The following HTR2B variants were observed in gnomAD, a reference collection of about 807,000 sequenced individuals.
The protein encoded by HTR2B is 5-HT 2B receptor.
Under a neutral mutation model 39.8 loss-of-function variants are expected in HTR2B, and 31 were observed. That is an observed-to-expected ratio of 0.78 (90% CI 0.58 to 1.05). HTR2B has a LOEUF of 1.05. HTR2B is among the 50% of genes least tolerant of loss of function. The pLI is 0.00. For synonymous variants in HTR2B, 210 were observed against 207.1 expected (o/e 1.01, Z -0.12); for missense variants, 562 against 578.0 (o/e 0.97, Z 0.28).
chr2:231,120,591 G>A (rs1019188388), intron 2 of HTR2B, among the ~76,000 whole-genome samples: 18 of 152,112 alleles, frequency 1.2e-4, no homozygotes, highest in African/African-American at 4.1e-4. Flanking sequence ...AATTCAAACC[G>A]TATATTGTTA....
chr2:231,115,036 G>A (rs1393277510), intron 2 of HTR2B, among the ~76,000 whole-genome samples: 2 of 152,030 alleles, frequency 1.3e-5, no homozygotes, highest in African/African-American at 2.4e-5. Context: ...GCTATTGCAG[G>A]TATATCTGAC....
At chr2:231,115,384 A>G (rs971363810) in intron 2 of HTR2B, among the ~76,000 whole-genome samples, 5 of 152,166 alleles carry the variant, frequency 3.3e-5, no homozygotes, top group Non-Finnish European at 5.9e-5. Flanking sequence ...CAGAGTTGGT[A>G]TGTGGCATTC....
At chr2:231,119,869 C>CAAA (rs78246469) in intron 2 of HTR2B, among the ~76,000 whole-genome samples, 22 of 79,944 alleles carry the variant, frequency 2.8e-4, no homozygotes, top group Non-Finnish European at 3.9e-4. Flanking sequence ...GACTCCGTCT[C>CAAA]AAAAAAAAAA....
rs770406210 is a variant in HTR2B, at chr2:231,123,436, A to C, written c.329T>G (p.Ile110Ser). The C allele has an allele frequency of 1.7e-5, 28 of 1,613,774 alleles. No homozygotes were observed. The highest frequency in any genetic ancestry group is 2.1e-5 in the Non-Finnish European group (25 of 1,179,784). ...ACCAAACATTATTGTCAAGAGGGCAATTGGCATCACAAACAATCCAACCAG... is the reference window on the plus strand; with the variant it reads ...ACCAAACATTATTGTCAAGAGGGCACTTGGCATCACAAACAATCCAACCAG... ...DLLVGLFVMP[I>S]ALLTIMFEAM... Residue 110 changes from isoleucine to serine, a missense_variant, in exon 2 of 4, where the codon ATT (isoleucine) becomes AGT (serine). Coordinates refer to ENST00000258400, the MANE Select transcript of HTR2B (RefSeq NM_000867.5).
chr2:231,115,770 A>G (rs1325440514), intron 2 of HTR2B, among the ~76,000 whole-genome samples: 1 of 152,172 alleles, frequency 6.6e-6, no homozygotes, highest in Non-Finnish European at 1.5e-5. Context: ...AGTGTTATTT[A>G]GAACTGCCAC....
At chr2:231,113,678 G>T in intron 3 of HTR2B, 51 bp downstream of exon 3, 1 of 1,536,194 alleles carries the variant, frequency 6.5e-7, no homozygotes, top group Non-Finnish European at 9.0e-7. Context: ...TCCTAGCCAA[G>T]TGGAACCAAA....
At chr2:231,114,836 T>C (rs1488582199) in intron 2 of HTR2B, among the ~76,000 whole-genome samples, 23 of 152,190 alleles carry the variant, frequency 1.5e-4, no homozygotes, top group Non-Finnish European at 2.4e-4. Context: ...CATTATATAT[T>C]ACACCCACCA....
chr2:231,123,949 G>A lies in HTR2B; in HGVS notation c.-185C>T. 1.6e-6 allele frequency: 1 copy of A among 611,446 alleles called. No homozygotes were observed. The highest frequency in any genetic ancestry group is 1.9e-5 in the South Asian group (1 of 53,660). 37.9% of individuals were successfully genotyped at this position (611,446 alleles called of 1,614,324 possible). A position where few individuals can be genotyped will look rare whatever the true frequency, so the allele number is the denominator to read the frequency against. On this transcript the variant is annotated 5_prime_UTR_variant, in exon 2 of 4. Transcript: ENST00000258400. ...TGAGCGCATACACACATCTGTCCATGTTTGTAGGTAAGATATCCAAGTATT... is the reference window on the plus strand; with the variant it reads ...TGAGCGCATACACACATCTGTCCATATTTGTAGGTAAGATATCCAAGTATT...
At position 231,108,821 on chromosome 2, in the gene HTR2B, G is replaced by T. The variant is rs747959691; in HGVS notation, c.1142C>A (p.Thr381Asn). The part of the protein sequence containing the change: ...VSSGVNPLVY[T>N]LFNKTFRDAF... ...ATCCCGAAATGTCTTATTGAAGAGG[G>T]TGTAGACCAAAGGATTCACTCCTGA... The change falls in exon 4 of 4, where the codon ACC becomes AAC. Residue 381 changes from threonine to asparagine, a missense_variant. Thr to Asn is a moderately conservative substitution (Grantham distance 65). Coordinates refer to ENST00000258400, the MANE Select transcript of HTR2B (RefSeq NM_000867.5). 1.2e-6 allele frequency: 2 copies of T among 1,614,042 alleles called. No homozygotes were observed. The highest frequency in any genetic ancestry group is 1.7e-5 in the Admixed American group (1 of 60,006).
chr2:231,116,238 T>C (rs1269378327), intron 2 of HTR2B, among the ~76,000 whole-genome samples: 1 of 152,142 alleles, frequency 6.6e-6, no homozygotes, highest in African/African-American at 2.4e-5. Flanking sequence ...TTTTAGAGTT[T>C]GCAGTGGAAA....
chr2:231,109,546 G>T, intron 3 of HTR2B, 137 bp from the exon 4 acceptor site: 2 of 736,162 alleles, frequency 2.7e-6, no homozygotes, highest in Non-Finnish European at 2.2e-6. Context: ...TGCAGGATTT[G>T]TCGAAGCATT....
chr2:231,124,841 T>C (rs1191653244), intron 1 of HTR2B, 131 bp downstream of exon 1: 11 of 152,182 alleles, frequency 7.2e-5, no homozygotes, highest in Non-Finnish European at 7.3e-5. Flanking sequence ...AACTCTCCTT[T>C]AGCATTAGTA....
In HTR2B at chr2:231,108,303, G is replaced by A; in HGVS notation, c.*214C>T. 1 of 506,916 alleles carries A rather than the reference G, an allele frequency of 2.0e-6. No individual in the cohort carries two copies. The allele number at this position is 506,916 out of a possible 1,614,324, so 31.4% of individuals were successfully genotyped here. The stretch of plus-strand genomic sequence containing the variant: ...TACCTTAAAATTTAACCAGAGTGCT[G>A]GATTGTTTTCATTTGTAGCTATATA... On this transcript the variant is annotated 3_prime_UTR_variant, in exon 4 of 4. Coordinates refer to ENST00000258400, the MANE Select transcript of HTR2B (RefSeq NM_000867.5).
intron 2 of HTR2B, among the ~76,000 whole-genome samples, chr2:231,119,611 C>T (rs1003364657): frequency 6.6e-6 from 1 of 152,122 alleles, no homozygotes; most frequent in East Asian, 1.9e-4. Context: ...TGGCTCATGT[C>T]TGTAATCCCA....
Position 231,108,960 on chromosome 2 carries a change from G to A in HTR2B, c.1003C>T (p.Leu335Phe), listed in dbSNP as rs1386123074. 1 of 1,613,904 alleles carries A rather than the reference G, an allele frequency of 6.2e-7. No individual in the cohort carries two copies. The highest frequency in any genetic ancestry group is 8.5e-7 in the Non-Finnish European group (1 of 1,179,926). The change falls in exon 4 of 4, where the codon CTT (leucine) becomes TTT (phenylalanine). Residue 335 changes from leucine (L) to phenylalanine (F), a missense_variant. By Grantham distance (22) the Leu-to-Phe change is conservative (BLOSUM62 0). Coordinates refer to ENST00000258400, the MANE Select transcript of HTR2B (RefSeq NM_000867.5). ...VLGIVFFLFL[L>F]MWCPFFITNI... is the part of the protein sequence containing the mutation. ...GTAATAAAGAAGGGACACCACATAA[G>A]CAAAAAGAGGAAAAACACAATCCCT...
chr2:231,124,907 G>C (rs1208541310), intron 1 of HTR2B, 65 bp downstream of exon 1: 1 of 151,680 alleles, frequency 6.6e-6, no homozygotes, highest in African/African-American at 2.4e-5. Context: ...TATGATAGCA[G>C]AATTCTTGAA....
At chr2:231,124,234 T>G (rs538539876) in intron 1 of HTR2B, 104 bp from the exon 2 acceptor site, 1 of 164,246 alleles carries the variant, frequency 6.1e-6, no homozygotes, top group East Asian at 1.7e-4. Flanking sequence ...TGTTGTGCAT[T>G]TGTGACAATG....
chr2:231,109,224 T>G lies in HTR2B; in HGVS notation c.739A>C (p.Lys247Gln). The part of the protein sequence containing the change: ...YFLTIHALQK[K>Q]AYLVKNKPPQ... ...GGCTTGTTTTTGACTAAGTAAGCCTTCTTCTGTAAAGCATGGATAGTGAGA... is the reference window on the plus strand; with the variant it reads ...GGCTTGTTTTTGACTAAGTAAGCCTGCTTCTGTAAAGCATGGATAGTGAGA... Residue 247 changes from lysine (K) to glutamine (Q), a missense_variant, in exon 4 of 4, where the codon AAG (lysine) becomes CAG (glutamine). By Grantham distance (53) the Lys-to-Gln change is moderately conservative. Coordinates refer to ENST00000258400, the MANE Select transcript of HTR2B (RefSeq NM_000867.5). 1 of 1,614,210 alleles carries G rather than the reference T, an allele frequency of 6.2e-7. No individual in the cohort carries two copies. The highest frequency in any genetic ancestry group is 1.1e-5 in the South Asian group (1 of 91,080).
intron 2 of HTR2B, among the ~76,000 whole-genome samples, chr2:231,116,134 T>C (rs564629785): frequency 6.6e-6 from 1 of 152,266 alleles, no homozygotes; most frequent in East Asian, 1.9e-4. Context: ...CTCTTAGCCA[T>C]AGCATTCAGA....
Sources: allele counts gnomAD v4.1 joint callset (sites outside exome capture counted in the v4.1 genomes callset), GRCh38; gene constraint gnomAD v4.1.1; transcripts MANE v1.5; gene names NCBI Gene and HGNC (gene_info 2026-07-23, HGNC 2026-07-21).